The following TAF11L2 variants were observed in gnomAD, a reference collection of about 807,000 sequenced individuals.
TAF11L2 encodes the protein TATA-box binding protein associated factor 11 like protein 2.
At position 17,498,598 on chromosome 5, in the gene TAF11L2, C is replaced by A. The variant is rs145761587; in HGVS notation, c.368C>A (p.Ala123Glu). 9.6e-4 allele frequency: 383 copies of A among 398,804 alleles called. 14 individuals carry two copies. The highest frequency in any genetic ancestry group is 7.3e-3 in the African/African-American group (355 of 48,440). The allele number at this position is 398,804 out of a possible 1,614,324, so 24.7% of individuals were successfully genotyped here. A position where few individuals can be genotyped will look rare whatever the true frequency, so the allele number is the denominator to read the frequency against. The change falls in exon 1 of 1, where the codon GCG becomes GAG. Residue 123 changes from alanine (A) to glutamate (E), a missense_variant. By Grantham distance (107) the Ala-to-Glu change is moderately radical. Transcript: ENST00000639081. The stretch of plus-strand genomic sequence containing the variant: ...TCAGCTTTCCCAAAAGCATGCATTG[C>A]GGGTCTGATGCGGTCTATCACTGGC...
exon 1 of TAF11L2, chr5:17,498,485 T>C (rs202154110): frequency 1.3e-5 from 5 of 398,838 alleles, no homozygotes; most frequent in Middle Eastern, 6.2e-4. Flanking sequence ...GGAAGCCCAC[T>C]GTGGATGCAG....
chr5:17,498,450 A>G (rs1738261436), exon 1 of TAF11L2: 2 of 399,202 alleles, frequency 5.0e-6, no homozygotes, highest in Non-Finnish European at 8.8e-6. Flanking sequence ...AAGACGGAAA[A>G]CAGATACCAA....
At position 17,498,270 on chromosome 5, in the gene TAF11L2, T is replaced by C. The variant is rs568674700; in HGVS notation, c.40T>C (p.Phe14Leu). The C allele has an allele frequency of 8.6e-4, 342 of 398,448 alleles. 1 individual carries two copies. Among genetic ancestry groups the C allele is most frequent in the East Asian group, 4.6e-3 (128 of 28,052 alleles). 24.7% of individuals were successfully genotyped at this position (398,448 alleles called of 1,614,324 possible). Reference sequence around the variant, plus strand: ...GCAAACAGGTGTGTCTGCTGAGATGTTCGCCATGCCCCGAGATCTGAAGGG... The same window carrying C: ...GCAAACAGGTGTGTCTGCTGAGATGCTCGCCATGCCCCGAGATCTGAAGGG... Residue 14 changes from phenylalanine (F) to leucine (L), a missense_variant, in exon 1 of 1, where the codon TTC (phenylalanine) becomes CTC (leucine). By Grantham distance (22) the Phe-to-Leu change is conservative. Transcript: ENST00000639081.
At position 17,498,293 on chromosome 5, in the gene TAF11L2, G is replaced by A. The variant is rs544220946; in HGVS notation, c.63G>A (p.Lys21=). ...TGTTCGCCATGCCCCGAGATCTGAA[G>A]GGCAGCAAGAAGGATGGAATCCCTG... is the stretch of plus-strand genomic sequence containing the variant. Residue 21 remains lysine (K), a synonymous_variant, in exon 1 of 1, where the codon AAG becomes AAA. Transcript: ENST00000639081. The A allele has an allele frequency of 1.0e-4, 41 of 398,610 alleles. 1 individual carries two copies. The East Asian group carries it at 1.5e-3, about 14-fold the overall frequency. The allele number at this position is 398,610 out of a possible 1,614,324, so 24.7% of individuals were successfully genotyped here.
chr5:17,498,445 G>A (rs151129251), exon 1 of TAF11L2: 4 of 399,178 alleles, frequency 1.0e-5, no homozygotes, highest in Admixed American at 4.4e-5. Context: ...GCCAAAAGAC[G>A]GAAAACAGAT....
At chr5:17,498,364 A>C (rs1302877060) in exon 1 of TAF11L2, 1 of 398,474 alleles carries the variant, frequency 2.5e-6, no homozygotes, top group Non-Finnish European at 4.4e-6. Context: ...CAGGAAGGTG[A>C]GCTCAGGAGT....
At chr5:17,498,533 G>C in exon 1 of TAF11L2, 1 of 398,890 alleles carries the variant, frequency 2.5e-6, no homozygotes, top group Non-Finnish European at 4.4e-6. Context: ...TGTCTGCCAT[G>C]TCTGAGGAGC....
chr5:17,498,552 C>T lies in TAF11L2; in HGVS notation c.322C>T (p.Arg108Cys), dbSNP rs1030986218. 1.8e-4 allele frequency: 70 copies of T among 398,878 alleles called. 1 individual carries two copies. The highest frequency in any genetic ancestry group is 7.9e-4 in the Admixed American group (18 of 22,724). The allele number at this position is 398,878 out of a possible 1,614,324, so 24.7% of individuals were successfully genotyped here. A position where few individuals can be genotyped will look rare whatever the true frequency, so the allele number is the denominator to read the frequency against. ...TGCCATGTCTGAGGAGCAGCTGTCC[C>T]GCTACGAAGTGTGTCGCCGGTCAGC... Residue 108 changes from arginine to cysteine, a missense_variant, in exon 1 of 1, where the codon CGC becomes TGC. Transcript: ENST00000639081.
chr5:17,498,808 A>G (rs1002450296), exon 1 of TAF11L2: 29 of 398,720 alleles, frequency 7.3e-5, no homozygotes, highest in African/African-American at 1.4e-4. Context: ...AACAGCAACT[A>G]CAAAAAAATC....
At chr5:17,498,776 A>G (rs1376718911) in exon 1 of TAF11L2, 7 of 398,590 alleles carry the variant, frequency 1.8e-5, no homozygotes, top group Non-Finnish European at 3.1e-5. Context: ...TTCGCAGGTT[A>G]AAGCCCAAGG....
At position 17,498,330 on chromosome 5, in the gene TAF11L2, G is replaced by T. The variant is rs767012215; in HGVS notation, c.100G>T (p.Gly34Trp). 1.3e-4 allele frequency: 50 copies of T among 398,446 alleles called. 1 individual carries two copies. Among genetic ancestry groups the T allele is most frequent in the Admixed American group, 6.6e-4 (15 of 22,678 alleles). The allele number at this position is 398,446 out of a possible 1,614,324, so 24.7% of individuals were successfully genotyped here. Reference sequence around the variant, plus strand: ...GGATGGAATCCCTGAGGACCTAGATGGGAACTTGGAAGAACCCAGGGATCA... The same window carrying T: ...GGATGGAATCCCTGAGGACCTAGATTGGAACTTGGAAGAACCCAGGGATCA... The change falls in exon 1 of 1, where the codon GGG becomes TGG. Residue 34 changes from glycine to tryptophan, a missense_variant. Transcript: ENST00000639081.
exon 1 of TAF11L2, chr5:17,498,565 G>A: frequency 2.5e-6 from 1 of 398,904 alleles, no homozygotes; most frequent in Non-Finnish European, 4.4e-6. Flanking sequence ...TACGAAGTGT[G>A]TCGCCGGTCA....
At chr5:17,498,519 C>T (rs2126318557) in exon 1 of TAF11L2, 1 of 398,902 alleles carries the variant, frequency 2.5e-6, no homozygotes, top group East Asian at 3.6e-5. Context: ...GATGACAACC[C>T]TGCTGTCTGC....
exon 1 of TAF11L2, chr5:17,498,290 G>A: frequency 2.5e-6 from 1 of 398,604 alleles, no homozygotes; most frequent in Non-Finnish European, 4.4e-6. Context: ...CCCGAGATCT[G>A]AAGGGCAGCA....
chr5:17,498,595 T>C (rs1301194751), exon 1 of TAF11L2: 3 of 398,710 alleles, frequency 7.5e-6, no homozygotes, highest in Non-Finnish European at 1.3e-5. Flanking sequence ...AAAGCATGCA[T>C]TGCGGGTCTG....
exon 1 of TAF11L2, chr5:17,498,759 G>A (rs1738270493): frequency 2.5e-6 from 1 of 398,626 alleles, no homozygotes; most frequent in Non-Finnish European, 4.4e-6. Flanking sequence ...GCATTTAAGG[G>A]AGGCTGTTCG....
Position 17,498,406 on chromosome 5 carries a change from A to G in TAF11L2, c.176A>G (p.Asn59Ser), listed in dbSNP as rs112552105. Residue 59 changes from asparagine to serine, a missense_variant, in exon 1 of 1, where the codon AAT (asparagine) becomes AGT (serine). Asn to Ser is a conservative substitution (Grantham distance 46). Transcript: ENST00000639081. Reference sequence around the variant, plus strand: ...GTCATGGACCTCACAGAAGGTGACAATGAGGCCTCAGCCTCAGCTCCTCCT... The same window carrying G: ...GTCATGGACCTCACAGAAGGTGACAGTGAGGCCTCAGCCTCAGCTCCTCCT... 3,644 of 398,760 alleles carry G rather than the reference A, an allele frequency of 9.1e-3. 186 individuals carry two copies. Among genetic ancestry groups the G allele is most frequent in the African/African-American group, 0.061 (2,937 of 48,318 alleles). The allele number at this position is 398,760 out of a possible 1,614,324, so 24.7% of individuals were successfully genotyped here. A position where few individuals can be genotyped will look rare whatever the true frequency, so the allele number is the denominator to read the frequency against.
chr5:17,498,460 A>G, exon 1 of TAF11L2: 1 of 399,106 alleles, frequency 2.5e-6, no homozygotes, highest in Non-Finnish European at 4.4e-6. Flanking sequence ...ACAGATACCA[A>G]AGGAAAGAAG....
At chr5:17,498,239 A>C (rs367787501) in exon 1 of TAF11L2, 52 of 398,540 alleles carry the variant, frequency 1.3e-4, no homozygotes, top group Middle Eastern at 1.3e-3. Flanking sequence ...CCATGGAGAC[A>C]GGCAGGCAAA....
Sources: allele counts gnomAD v4.1 joint callset, GRCh38; gene constraint gnomAD v4.1.1; transcripts MANE v1.5; gene names NCBI Gene and HGNC (gene_info 2026-07-23, HGNC 2026-07-21).